KIAA1549L: variants seen among roughly 807,000 people sequenced by gnomAD.
The protein encoded by KIAA1549L is KIAA1549 like.
A neutral mutation model predicts 160.7 loss-of-function variants in KIAA1549L; 88 were observed. That is an observed-to-expected ratio of 0.55 (90% CI 0.46 to 0.65). The LOEUF (loss-of-function observed/expected upper bound fraction) is 0.65. KIAA1549L is among the 30% of genes least tolerant of loss of function. The pLI is 0.00. For missense variants in KIAA1549L, 2,258 were observed against 2,437.5 expected, an observed-to-expected ratio of 0.93 and a Z score of 1.55; for synonymous variants, 950 against 976.7, an observed-to-expected ratio of 0.97 and a Z score of 0.51.
intron 8 of KIAA1549L, among the ~76,000 whole-genome samples, chr11:33,563,363 A>T (rs1854936702): frequency 6.6e-6 from 1 of 151,486 alleles, no homozygotes; most frequent in African/African-American, 2.4e-5. Context: ...AAAAAAAAAA[A>T]AAAAAGAATT....
chr11:33,550,497 C>G (rs1048795600), intron 4 of KIAA1549L, among the ~76,000 whole-genome samples: 5 of 152,156 alleles, frequency 3.3e-5, no homozygotes, highest in Non-Finnish European at 5.9e-5. Flanking sequence ...GAGAAATTCT[C>G]TGGTGCATCC....
intron 1 of KIAA1549L, among the ~76,000 whole-genome samples, chr11:33,458,461 A>G (rs1851874577): frequency 6.6e-6 from 1 of 152,222 alleles, no homozygotes; most frequent in Non-Finnish European, 1.5e-5. Flanking sequence ...TTAAATAGAA[A>G]AGAATCCTAA....
Position 33,656,092 on chromosome 11 carries a change from T to C in KIAA1549L, c.5841T>C (p.Ala1947=). 1 of 1,613,494 alleles carries C rather than the reference T, an allele frequency of 6.2e-7. No individual in the cohort carries two copies. Among genetic ancestry groups the C allele is most frequent in the Non-Finnish European group, 8.5e-7 (1 of 1,179,478 alleles). Residue 1947 remains alanine, a synonymous_variant, in exon 18 of 21, where the codon GCT becomes GCC. Coordinates refer to ENST00000658780, the MANE Select transcript of KIAA1549L (RefSeq NM_012194.3). ...PPVPPRTGPV[A]VASLRRSTSD... is the part of the protein sequence containing the mutation. Reference sequence around the variant, plus strand: ...TACCTCCCCGGACTGGTCCTGTGGCTGTCGCTTCTCTCAGGCGGTAACACG... The same window carrying C: ...TACCTCCCCGGACTGGTCCTGTGGCCGTCGCTTCTCTCAGGCGGTAACACG...
At chr11:33,387,013 A>G (rs1205375598) in intron 1 of KIAA1549L, among the ~76,000 whole-genome samples, 2 of 151,814 alleles carry the variant, frequency 1.3e-5, no homozygotes, top group Non-Finnish European at 2.9e-5. Context: ...AGGCTGAAGC[A>G]TGAGAATTGT....
intron 9 of KIAA1549L, among the ~76,000 whole-genome samples, chr11:33,571,456 T>G (rs1422925847): frequency 6.6e-6 from 1 of 152,188 alleles, no homozygotes; most frequent in Non-Finnish European, 1.5e-5. Context: ...GAGTACTTTA[T>G]AAGAAAAGAG....
intron 16 of KIAA1549L, among the ~76,000 whole-genome samples, chr11:33,626,130 G>T (rs9794960): frequency 0.24 from 35,637 of 146,754 alleles, 4,192 homozygotes; most frequent in East Asian, 0.39. Flanking sequence ...TCTCTGTTTT[G>T]GTACCAGTAC....
chr11:33,595,497 G>T (rs1850174973), intron 12 of KIAA1549L, among the ~76,000 whole-genome samples: 1 of 152,128 alleles, frequency 6.6e-6, no homozygotes, highest in South Asian at 2.1e-4. Flanking sequence ...CCAAAGTGCT[G>T]GCATTACAGG....
chr11:33,598,496 G>T (rs1030543847), intron 12 of KIAA1549L, among the ~76,000 whole-genome samples: 1 of 152,190 alleles, frequency 6.6e-6, no homozygotes, highest in East Asian at 1.9e-4. Context: ...TTAAAAACAG[G>T]CTATGCTGCA....
intron 16 of KIAA1549L, among the ~76,000 whole-genome samples, chr11:33,632,783 G>A (rs373759644): frequency 6.6e-6 from 1 of 151,502 alleles, no homozygotes; most frequent in African/African-American, 2.4e-5. Context: ...GTAGAAATGG[G>A]GTCTCCCTAT....
In KIAA1549L at chr11:33,544,005, A is replaced by G. The variant is rs1854137896; in HGVS notation, c.2442A>G (p.Gln814=). 2 of 1,613,878 alleles carry G rather than the reference A, an allele frequency of 1.2e-6. 1 individual carries two copies. The highest frequency in any genetic ancestry group is 2.2e-5 in the South Asian group (2 of 91,090). The change falls in exon 2 of 21, where the codon CAA becomes CAG. Residue 814 remains glutamine, a synonymous_variant. Coordinates refer to ENST00000658780, the MANE Select transcript of KIAA1549L (RefSeq NM_012194.3). ...TSNNNHSRDF[Q]TAEVAYYSPT... is the part of the protein sequence containing the mutation. ...ATAACAACCATTCCAGAGACTTCCAAACAGCTGAAGTTGCATATTACTCAC... is the reference window on the plus strand; with the variant it reads ...ATAACAACCATTCCAGAGACTTCCAGACAGCTGAAGTTGCATATTACTCAC...
intron 12 of KIAA1549L, among the ~76,000 whole-genome samples, chr11:33,596,604 C>T (rs187976316): frequency 3.0e-4 from 46 of 152,112 alleles, no homozygotes; most frequent in Non-Finnish European, 2.8e-4. Context: ...CCTGGCATGG[C>T]GGCGGGCGCC....
intron 15 of KIAA1549L, among the ~76,000 whole-genome samples, chr11:33,610,174 C>G (rs1013945668): frequency 9.2e-5 from 14 of 151,982 alleles, no homozygotes; most frequent in South Asian, 4.1e-4. Context: ...AAAAAAAATA[C>G]TTGGGCAAAC....
rs1852712127 is a variant in KIAA1549L at position 33,673,131 on chromosome 11, T to G, written c.*4977T>G. 1 of 152,212 alleles carries G rather than the reference T, an allele frequency of 6.6e-6. No homozygotes were observed. Among genetic ancestry groups the G allele is most frequent in the African/African-American group, 2.4e-5 (1 of 41,452 alleles). 9.4% of individuals were successfully genotyped at this position (152,212 alleles called of 1,614,324 possible). On this transcript the variant is annotated 3_prime_UTR_variant, in exon 21 of 21. Transcript: ENST00000658780. ...GAGAAGGAATATTTAGGAAATATAA[T>G]TGTGCCACACACACATTACTTTAGA...
At chr11:33,564,381 C>G (rs140774853) in intron 8 of KIAA1549L, among the ~76,000 whole-genome samples, 19 of 152,300 alleles carry the variant, frequency 1.2e-4, no homozygotes, top group Admixed American at 8.5e-4. Flanking sequence ...TTATAAAAGC[C>G]TGACATGTTT....
intron 15 of KIAA1549L, among the ~76,000 whole-genome samples, chr11:33,612,922 A>G (rs982313500): frequency 3.7e-4 from 57 of 152,344 alleles, no homozygotes; most frequent in African/African-American, 1.3e-3. Flanking sequence ...TGTTTCTGCA[A>G]AAGACATGAT....
chr11:33,595,248 A>T (rs2133295932), intron 12 of KIAA1549L, among the ~76,000 whole-genome samples: 1 of 152,216 alleles, frequency 6.6e-6, no homozygotes, highest in Middle Eastern at 3.4e-3. Context: ...CTTTTTCGAG[A>T]CAGAGTCTCA....
intron 1 of KIAA1549L, among the ~76,000 whole-genome samples, chr11:33,465,488 T>A (rs1408811103): frequency 1.3e-5 from 2 of 152,154 alleles, no homozygotes; most frequent in Non-Finnish European, 2.9e-5. Flanking sequence ...TATCACACAG[T>A]TTTACAGCCT....
intron 1 of KIAA1549L, among the ~76,000 whole-genome samples, chr11:33,511,190 G>A (rs1853220140): frequency 6.6e-6 from 1 of 152,168 alleles, no homozygotes. Context: ...GGCTGTGTTG[G>A]CTTTTGTCTG....
At chr11:33,445,926 C>T (rs1174512665) in intron 1 of KIAA1549L, among the ~76,000 whole-genome samples, 1 of 152,136 alleles carries the variant, frequency 6.6e-6, no homozygotes, top group Non-Finnish European at 1.5e-5. Flanking sequence ...TCTGTTGGTG[C>T]TTTGATCTTG....
Sources: gnomAD v4.1 joint callset for allele counts (sites outside exome capture counted in the v4.1 genomes callset) on GRCh38, gnomAD v4.1.1 for gene constraint, MANE v1.5 for transcripts, NCBI Gene and HGNC (gene_info 2026-07-23, HGNC 2026-07-21) for gene names.